Variants in LRP1B observed in about 807,000 individuals in gnomAD.
LRP1B encodes low-density lipoprotein receptor-related protein 1B.
A neutral mutation model predicts 556.6 loss-of-function variants in LRP1B; 217 were observed. That is an observed-to-expected ratio of 0.39 (90% confidence interval 0.35 to 0.44). The LOEUF (loss-of-function observed/expected upper bound fraction) is 0.44, where lower values mean the gene tolerates loss of function less well. Ranked by LOEUF, LRP1B falls within the 20% of genes least tolerant of loss-of-function variation. The pLI, the probability that LRP1B is intolerant of heterozygous loss-of-function variation, is 1.00. For synonymous variants in LRP1B, 2,047 were observed against 1,865.8 expected (o/e 1.10, Z -2.50); for missense variants, 5,053 against 5,620.8 (o/e 0.90, Z 3.23).
At chr2:141,574,927 T>G (rs1183259991) in intron 2 of LRP1B, among the ~76,000 whole-genome samples, 1 of 152,044 alleles carries the variant, frequency 6.6e-6, no homozygotes, top group Non-Finnish European at 1.5e-5. Context: ...CAAGGAGAAC[T>G]ACAAACCACT....
intron 43 of LRP1B, among the ~76,000 whole-genome samples, chr2:140,588,922 G>T (rs1042521658): frequency 1.4e-5 from 2 of 140,328 alleles, no homozygotes; most frequent in African/African-American, 5.7e-5. Flanking sequence ...ACTGCACCAC[G>T]CACTCCATCC....
intron 55 of LRP1B, among the ~76,000 whole-genome samples, chr2:140,500,070 T>C (rs761469327): frequency 6.6e-6 from 1 of 152,008 alleles, no homozygotes; most frequent in Non-Finnish European, 1.5e-5. Context: ...GCTCATCTCA[T>C]TAAAAGATGT....
chr2:141,758,385 T>G (rs1694399433), intron 2 of LRP1B, among the ~76,000 whole-genome samples: 1 of 152,156 alleles, frequency 6.6e-6, no homozygotes. Flanking sequence ...AATGTCAAAA[T>G]GTATTTTTTA....
chr2:141,188,295 TA>T, intron 7 of LRP1B, 125 bp downstream of exon 7: 4 of 909,726 alleles, frequency 4.4e-6, no homozygotes, highest in South Asian at 1.6e-5. Context: ...ACACAGTTGT[TA>T]AAATCAACAT....
intron 2 of LRP1B, among the ~76,000 whole-genome samples, chr2:141,743,832 G>A (rs906107978): frequency 6.6e-6 from 1 of 151,930 alleles, no homozygotes; most frequent in Non-Finnish European, 1.5e-5. Context: ...TTTAGTTTCT[G>A]TGGTGTCAGT....
At chr2:140,448,374 G>A (rs796167619) in intron 63 of LRP1B, among the ~76,000 whole-genome samples, 48 of 152,190 alleles carry the variant, frequency 3.2e-4, no homozygotes, top group African/African-American at 1.1e-3. Context: ...ATCAATGGAT[G>A]AATGAATAAA....
chr2:140,706,937 C>T (rs753513406), intron 37 of LRP1B, among the ~76,000 whole-genome samples: 11 of 151,820 alleles, frequency 7.2e-5, no homozygotes, highest in Non-Finnish European at 1.5e-4. Context: ...AGTGACAAAG[C>T]TCTGATTTTT....
intron 6 of LRP1B, among the ~76,000 whole-genome samples, chr2:141,209,983 TATC>T (rs1211855681): frequency 3.3e-5 from 5 of 152,136 alleles, no homozygotes; most frequent in African/African-American, 1.2e-4. Flanking sequence ...CTAGAACCAT[TATC>T]AACTCACTCC....
chr2:141,073,516 G>A (rs1268718492), intron 7 of LRP1B, among the ~76,000 whole-genome samples: 1 of 152,018 alleles, frequency 6.6e-6, no homozygotes, highest in Non-Finnish European at 1.5e-5. Flanking sequence ...AGACAATCTT[G>A]AATGTTCCCA....
chr2:142,129,795 G>A (rs1221756619), intron 1 of LRP1B, among the ~76,000 whole-genome samples: 1 of 152,016 alleles, frequency 6.6e-6, no homozygotes, highest in Non-Finnish European at 1.5e-5. Context: ...TTTCACCAGT[G>A]CATCTGTTGT....
Position 140,769,461 on chromosome 2 carries a change from T to A in LRP1B, c.5627-117A>T. Reference sequence around the variant, plus strand: ...CTTAATTTATGTTAACAAATGTATTTCCTGGCCTTTTAAAAAAATTATTGT... The same window carrying A: ...CTTAATTTATGTTAACAAATGTATTACCTGGCCTTTTAAAAAAATTATTGT... On this transcript the variant is annotated intron_variant, in intron 34 of 90. Transcript: ENST00000389484. 1.1e-5 allele frequency: 12 copies of A among 1,081,444 alleles called. No individual in the cohort carries two copies. The South Asian group carries it at 2.2e-4, about 20-fold the overall frequency. The allele number at this position is 1,081,444 out of a possible 1,614,324, so 67.0% of individuals were successfully genotyped here.
At chr2:140,945,522 C>T (rs772533010) in intron 20 of LRP1B, among the ~76,000 whole-genome samples, 25 of 151,928 alleles carry the variant, frequency 1.6e-4, no homozygotes, top group Non-Finnish European at 2.8e-4. Context: ...CACAGATCAA[C>T]GGAACAGAAT....
chr2:141,406,211 AC>A (rs769918122), intron 3 of LRP1B, among the ~76,000 whole-genome samples: 20 of 152,134 alleles, frequency 1.3e-4, no homozygotes, highest in Non-Finnish European at 2.4e-4. Flanking sequence ...TCAAAATAAA[AC>A]ATAAGCCTTT....
At chr2:141,254,712 C>T in intron 3 of LRP1B, 71 bp from the exon 4 acceptor site, 1 of 1,213,856 alleles carries the variant, frequency 8.2e-7, no homozygotes, top group Non-Finnish European at 1.2e-6. Context: ...TCTCAGTGTA[C>T]AATCCTTACA....
chr2:140,254,154 G>A (rs1037348689), intron 86 of LRP1B, among the ~76,000 whole-genome samples: 3 of 152,078 alleles, frequency 2.0e-5, no homozygotes, highest in African/African-American at 2.4e-5. Context: ...TTATAAAGGC[G>A]ATGTCTGGCA....
In LRP1B at chr2:140,719,739, G is replaced by A. The variant is rs146383935; in HGVS notation, c.5759-2923C>T. Among the ~76,000 whole-genome samples, 739 of 152,076 alleles carry A rather than the reference G, an allele frequency of 4.9e-3. 4 individuals are homozygous for A. Among genetic ancestry groups the A allele is most frequent in the Middle Eastern group, 6.8e-3 (2 of 294 alleles). Reference sequence around the variant, plus strand: ...CATTGAGGAACTAACATATTTTCTCGTATCCTTTCTATTAGGTACATTTGG... The same window carrying A: ...CATTGAGGAACTAACATATTTTCTCATATCCTTTCTATTAGGTACATTTGG... On this transcript the variant is annotated intron_variant, in intron 35 of 90. Transcript: ENST00000389484.
intron 83 of LRP1B, among the ~76,000 whole-genome samples, chr2:140,307,750 C>T (rs750678588): frequency 1.3e-5 from 2 of 151,620 alleles, no homozygotes; most frequent in Non-Finnish European, 3.0e-5. Context: ...TTGATATGGG[C>T]AGATAGTGTT....
intron 1 of LRP1B, among the ~76,000 whole-genome samples, chr2:141,910,512 A>C (rs1328049212): frequency 6.6e-6 from 1 of 152,092 alleles, no homozygotes; most frequent in African/African-American, 2.4e-5. Flanking sequence ...GTATTATTAA[A>C]ATTTGATGCA....
intron 84 of LRP1B, among the ~76,000 whole-genome samples, chr2:140,290,099 G>A (rs781593704): frequency 2.0e-5 from 3 of 151,968 alleles, no homozygotes; most frequent in Non-Finnish European, 4.4e-5. Context: ...GATTGATGAG[G>A]TATGCAAAAC....
Sources: gnomAD v4.1 joint callset for allele counts (sites outside exome capture counted in the v4.1 genomes callset) on GRCh38, gnomAD v4.1.1 for gene constraint, MANE v1.5 for transcripts, NCBI Gene and HGNC (gene_info 2026-07-23, HGNC 2026-07-21) for gene names.